The following FAM186B variants were observed in gnomAD, a reference collection of about 807,000 sequenced individuals.
FAM186B encodes protein FAM186B.
FAM186B carries 68 observed loss-of-function variants against 83.4 expected under a neutral mutation model. The ratio of observed to expected loss-of-function variants is 0.81; its 90% CI spans 0.67 to 1.00. The LOEUF (loss-of-function observed/expected upper bound fraction) is 1.00. Among genes scored for constraint, FAM186B ranks in the 50% least tolerant of loss-of-function variants. FAM186B has a pLI of 0.00. For synonymous variants in FAM186B, 389 were observed against 422.0 expected (o/e 0.92, Z 0.96); for missense variants, 983 against 1,099.2 (o/e 0.89, Z 1.49).
intron 5 of FAM186B, among the ~76,000 whole-genome samples, chr12:49,598,212 C>T (rs1006125061): frequency 3.3e-5 from 5 of 152,140 alleles, no homozygotes; most frequent in African/African-American, 1.2e-4. Flanking sequence ...CCCATGCAAT[C>T]GTTGTCAGAA....
chr12:49,605,164 CCAGCCCTGCCT>C, intron 1 of FAM186B: 1 of 1,378,438 alleles, frequency 7.3e-7, no homozygotes, highest in South Asian at 1.5e-5. Flanking sequence ...TTCCCGGGCC[CCAGCCCTGCCT>C]CAGGCGGGTG....
the FAM186B span, among the ~76,000 whole-genome samples, chr12:49,618,236 G>A: frequency 3.3e-5 from 5 of 151,924 alleles, no homozygotes; most frequent in Non-Finnish European, 5.9e-5. Context: ...TCGCAGCTAC[G>A]CAGGAGGCTA....
Position 49,598,738 on chromosome 12 carries a change from C to T in FAM186B, c.2364+17G>A, listed in dbSNP as rs758046522. 1.3e-6 allele frequency: 2 copies of T among 1,539,476 alleles called. No individual in the cohort carries two copies. Among genetic ancestry groups the T allele is most frequent in the African/African-American group, 1.4e-5 (1 of 73,480 alleles). On this transcript the variant is annotated intron_variant, in intron 5 of 6. Transcript: ENST00000257894. ...CCAGGAGGCGGAGTGGCGGGGGGGTCAGGGCGGGAGGCCCACCTTGGGGAA... is the reference window on the plus strand; with the variant it reads ...CCAGGAGGCGGAGTGGCGGGGGGGTTAGGGCGGGAGGCCCACCTTGGGGAA...
At chr12:49,605,754 TTTTC>T (rs1275623985), upstream of FAM186B, 14 of 231,080 alleles carry the variant, frequency 6.1e-5, no homozygotes, top group Non-Finnish European at 8.7e-5. Context: ...ACTTGTTGCC[TTTTC>T]TTTTTTTTTT....
At chr12:49,615,545 C>T in the FAM186B span, among the ~76,000 whole-genome samples, 1 of 152,164 alleles carries the variant, frequency 6.6e-6, no homozygotes, top group Non-Finnish European at 1.5e-5. Flanking sequence ...AATCCCAGTA[C>T]TTTGGGAGGC....
At chr12:49,586,314 G>A (rs577702195), downstream of FAM186B, among the ~76,000 whole-genome samples, 3 of 152,150 alleles carry the variant, frequency 2.0e-5, no homozygotes, top group African/African-American at 4.8e-5. Context: ...CCAGAGAGGC[G>A]GGGAAAGAGG....
rs1939933366 is a variant in FAM186B at position 49,603,192 on chromosome 12, CCTTTT to C, written c.493_497del (p.Lys165ValfsTer121). ...GGTGCTCCTAGAACCTACCTTGTGA[CCTTTT>C]CTTTTGTCCTTCAATGAGAGTGGAG... On this transcript the variant is annotated frameshift_variant, in exon 3 of 7. Coordinates refer to ENST00000257894, the MANE Select transcript of FAM186B (RefSeq NM_032130.3). LOFTEE classifies it high-confidence loss of function. 1 of 1,614,072 alleles carries C rather than the reference CCTTTT, an allele frequency of 6.2e-7. No individual in the cohort carries two copies. The highest frequency in any genetic ancestry group is 8.5e-7 in the Non-Finnish European group (1 of 1,180,042).
At chr12:49,588,245 G>A (rs1055498479) in intron 6 of FAM186B, among the ~76,000 whole-genome samples, 1 of 152,232 alleles carries the variant, frequency 6.6e-6, no homozygotes, top group Non-Finnish European at 1.5e-5. Context: ...GCTAGTCCCT[G>A]AAGCCCACAC....
chr12:49,607,018 A>G (rs570091962), upstream of FAM186B, among the ~76,000 whole-genome samples: 11 of 152,342 alleles, frequency 7.2e-5, 1 homozygote, highest in South Asian at 2.3e-3. Flanking sequence ...ACATACTTCC[A>G]TATAACCCTG....
chr12:49,587,854 C>T (rs1939484534), intron 6 of FAM186B, 102 bp from the exon 7 acceptor site: 2 of 1,327,556 alleles, frequency 1.5e-6, no homozygotes, highest in Middle Eastern at 2.4e-4. Context: ...TGTCTCCTTC[C>T]CTTCTCAAAT....
At chr12:49,603,565 T>C (rs1939945702) in intron 2 of FAM186B, among the ~76,000 whole-genome samples, 198 bp from the exon 3 acceptor site, 1 of 152,158 alleles carries the variant, frequency 6.6e-6, no homozygotes, top group South Asian at 2.1e-4. Context: ...GAAGATTAAA[T>C]GAGATAATAC....
rs1939838478 is a variant in FAM186B at position 49,600,053 on chromosome 12, C to T, written c.1587G>A (p.Glu529=). Residue 529 remains glutamate, a synonymous_variant, in exon 4 of 7, where the codon GAG becomes GAA. Transcript: ENST00000257894. This position sits in a 1 kb window ranked among gnomAD's most constrained non-coding sequence, Gnocchi z 4.3. The stretch of plus-strand genomic sequence containing the variant: ...CTAGCTGGACCCATCTCCGCTGTTG[C>T]TCCCTGGCCAGGTCTTCCAGATTCC... ...RQWNLEDLAR[E]QQRRWVQLEK... is the part of the protein sequence containing the mutation. 2 of 1,605,968 alleles carry T rather than the reference C, an allele frequency of 1.2e-6. No individual in the cohort carries two copies. Among genetic ancestry groups the T allele is most frequent in the Non-Finnish European group, 1.7e-6 (2 of 1,175,694 alleles).
At chr12:49,605,730 C>A, upstream of FAM186B, 15 of 319,614 alleles carry the variant, frequency 4.7e-5, no homozygotes, top group East Asian at 1.8e-4. Flanking sequence ...CATTACCTAA[C>A]ATATATTTAC....
At chr12:49,609,018 T>C (rs1370579748), upstream of FAM186B, among the ~76,000 whole-genome samples, 1 of 152,146 alleles carries the variant, frequency 6.6e-6, no homozygotes, top group Non-Finnish European at 1.5e-5. Flanking sequence ...ATTTTAGTCT[T>C]GGGCCAGAGA....
At chr12:49,583,269 ATTTC>A, downstream of FAM186B, 1 of 341,272 alleles carries the variant, frequency 2.9e-6, no homozygotes, top group South Asian at 2.3e-5. Flanking sequence ...AACTTGTTCA[ATTTC>A]TTCTCTGTGC....
At position 49,595,532 on chromosome 12, in the gene FAM186B, A is replaced by C. The variant is rs550672826; in HGVS notation, c.2364+3223T>G. ...AAGGACAAAATGATGAATGGAAGCC[A>C]TTACACCTACTCTGAGAATCGTGTG... On this transcript the variant is annotated intron_variant, in intron 5 of 6. Transcript: ENST00000257894. The C allele has an allele frequency of 1.5e-5, 7 of 462,272 alleles. No individual in the cohort carries two copies. In the East Asian group the frequency reaches 3.9e-4, roughly 26 times the overall value. 28.6% of individuals were successfully genotyped at this position (462,272 alleles called of 1,614,324 possible).
At chr12:49,619,731 A>G in the FAM186B span, 1 of 316,530 alleles carries the variant, frequency 3.2e-6, no homozygotes, top group East Asian at 7.8e-5. Flanking sequence ...GCTAGAGTGC[A>G]GTGGCACAAT....
upstream of FAM186B, among the ~76,000 whole-genome samples, chr12:49,607,139 T>A (rs1940039895): frequency 1.3e-5 from 2 of 150,654 alleles, no homozygotes; most frequent in Non-Finnish European, 1.5e-5. Flanking sequence ...AGGAAAAAAC[T>A]AGAAAAGGAA....
At chr12:49,593,654 AAG>A (rs1342567376) in intron 5 of FAM186B, among the ~76,000 whole-genome samples, 1 of 151,684 alleles carries the variant, frequency 6.6e-6, no homozygotes, top group African/African-American at 2.4e-5. Context: ...AAAGAAAAGA[AAG>A]AGGGCCATTT....
Sources: allele counts gnomAD v4.1 joint callset (sites outside exome capture counted in the v4.1 genomes callset), GRCh38; gene constraint gnomAD v4.1.1; non-coding constraint Gnocchi (gnomAD v3.1); transcripts MANE v1.5; gene names NCBI Gene and HGNC (gene_info 2026-07-23, HGNC 2026-07-21).